The following PLD5 variants were observed in gnomAD, a reference collection of about 807,000 sequenced individuals.
The protein encoded by PLD5 is inactive phospholipase D5.
PLD5 carries 36 observed loss-of-function variants against 61.1 expected under a neutral mutation model. The ratio of observed to expected loss-of-function variants is 0.59; its 90% CI spans 0.45 to 0.78. The LOEUF (loss-of-function observed/expected upper bound fraction) is 0.78, where lower values mean the gene tolerates loss of function less well. Ranked by LOEUF, PLD5 falls within the 30% of genes least tolerant of loss-of-function variation. The pLI, the probability that PLD5 is intolerant of heterozygous loss-of-function variation, is 0.00. For missense variants in PLD5, 515 were observed against 644.4 expected (o/e 0.80, Z 2.17); for synonymous variants, 243 against 242.8 (o/e 1.00, Z -0.01).
intron 5 of PLD5, among the ~76,000 whole-genome samples, chr1:242,211,785 A>G (rs1369693629): frequency 5.9e-5 from 9 of 152,224 alleles, no homozygotes; most frequent in African/African-American, 1.7e-4. Flanking sequence ...AGGATTTCCA[A>G]GTTCACAGGG....
chr1:242,101,651 T>C (rs1457281572), intron 8 of PLD5, among the ~76,000 whole-genome samples: 1 of 152,168 alleles, frequency 6.6e-6, no homozygotes, highest in Non-Finnish European at 1.5e-5. Flanking sequence ...AATCGTGTAT[T>C]TAAAGGAAAG....
chr1:242,391,644 G>C (rs552177994), intron 1 of PLD5, among the ~76,000 whole-genome samples: 2 of 152,264 alleles, frequency 1.3e-5, no homozygotes, highest in East Asian at 3.9e-4. Context: ...TACCCATTCT[G>C]TATTTGATTG....
intron 5 of PLD5, among the ~76,000 whole-genome samples, chr1:242,182,925 G>A (rs1229415270): frequency 1.3e-5 from 2 of 152,178 alleles, no homozygotes; most frequent in African/African-American, 2.4e-5. Context: ...GGAGGTTTGA[G>A]TTCATGTTAC....
chr1:242,323,223 C>A (rs542554567), intron 2 of PLD5, among the ~76,000 whole-genome samples: 1 of 152,120 alleles, frequency 6.6e-6, no homozygotes, highest in African/African-American at 2.4e-5. Flanking sequence ...AAACTCCAGG[C>A]GGCCGTTGCT....
intron 1 of PLD5, among the ~76,000 whole-genome samples, chr1:242,416,310 A>G (rs1347033566): frequency 6.6e-6 from 1 of 152,160 alleles, no homozygotes; most frequent in Non-Finnish European, 1.5e-5. Flanking sequence ...TGAAGGTTGT[A>G]TTATACTCTT....
rs537969036 is a variant in PLD5 at position 242,256,588 on chromosome 1, C to T, written c.607+8749G>A. Among the ~76,000 whole-genome samples, 2 of 152,284 alleles carry T rather than the reference C, an allele frequency of 1.3e-5. No homozygotes were observed. Among genetic ancestry groups the T allele is most frequent in the Admixed American group, 6.5e-5 (1 of 15,300 alleles). ...CCCTCTGGGGGATGCAGTAACAAGG[C>T]GCCATCTTGGAAGCACAGAGCAGCT... On this transcript the variant is annotated intron_variant, in intron 4 of 9. Coordinates refer to ENST00000536534, the MANE Select transcript of PLD5 (RefSeq NM_001372062.1). The surrounding 1 kb of genome is among the most constrained non-coding windows in gnomAD (Gnocchi z 5.7).
intron 4 of PLD5, among the ~76,000 whole-genome samples, chr1:242,237,522 A>G (rs1671717263): frequency 6.6e-6 from 1 of 152,146 alleles, no homozygotes; most frequent in African/African-American, 2.4e-5. Context: ...TGCAGGAGCA[A>G]GGGGGCTCTC....
chr1:242,322,293 C>A (rs1243148102), intron 2 of PLD5, among the ~76,000 whole-genome samples: 1 of 152,172 alleles, frequency 6.6e-6, no homozygotes, highest in Non-Finnish European at 1.5e-5. Context: ...ATCAAATATG[C>A]CAGCCATGTC....
In PLD5 at chr1:242,524,405, T is replaced by C; in HGVS notation, c.-129A>G. ...GAGCTGGAGACTGAGCTGGAGGAGC[T>C]GGAGGAGCGAGCGGGCGCGGGGAGC... On this transcript the variant is annotated 5_prime_UTR_variant, in exon 1 of 10. Transcript: ENST00000536534. 1 of 925,364 alleles carries C rather than the reference T, an allele frequency of 1.1e-6. No individual in the cohort carries two copies. 57.3% of individuals were successfully genotyped at this position (925,364 alleles called of 1,614,324 possible).
intron 1 of PLD5, among the ~76,000 whole-genome samples, chr1:242,519,463 C>T (rs1011095144): frequency 2.0e-5 from 3 of 152,198 alleles, no homozygotes; most frequent in African/African-American, 7.2e-5. Flanking sequence ...CGGCTCACTA[C>T]AGGTGAGAAC....
chr1:242,272,728 G>A (rs1199130771), intron 3 of PLD5, among the ~76,000 whole-genome samples: 1 of 151,996 alleles, frequency 6.6e-6, no homozygotes, highest in Non-Finnish European at 1.5e-5. Context: ...GCAAAACCAT[G>A]AAAGGAGGCA....
At chr1:242,419,741 A>G (rs932099325) in intron 1 of PLD5, among the ~76,000 whole-genome samples, 2 of 152,036 alleles carry the variant, frequency 1.3e-5, no homozygotes, top group African/African-American at 4.8e-5. Context: ...AGCAAGGAGA[A>G]GTAAAGGTCT....
chr1:242,192,682 A>T (rs1403149767), intron 5 of PLD5, among the ~76,000 whole-genome samples: 1 of 152,216 alleles, frequency 6.6e-6, no homozygotes, highest in Non-Finnish European at 1.5e-5. Context: ...CGGACAGAAG[A>T]GTTAGCGGAA....
rs1009478498 is a variant in PLD5, at chr1:242,394,987, G to T, written c.190-46745C>A. Among the ~76,000 whole-genome samples the T allele has an allele frequency of 3.2e-3, 177 of 55,184 alleles. 25 individuals carry two copies. The highest frequency in any genetic ancestry group is 5.4e-3 in the Non-Finnish European group (154 of 28,510). The allele number at this position is 55,184 out of a possible 152,430, so 36.2% of individuals were successfully genotyped here. On this transcript the variant is annotated intron_variant, in intron 1 of 9. Coordinates refer to ENST00000536534, the MANE Select transcript of PLD5 (RefSeq NM_001372062.1). ...TATATGATTATATATGAATATATAT[G>T]AATATATATGTATATATGAATATAT... is the stretch of plus-strand genomic sequence containing the variant.
intron 1 of PLD5, among the ~76,000 whole-genome samples, chr1:242,408,835 G>A (rs1038462053): frequency 2.0e-5 from 3 of 152,162 alleles, no homozygotes; most frequent in South Asian, 2.1e-4. Context: ...TTAGGAGGCC[G>A]AGATGGGCAG....
intron 5 of PLD5, chr1:242,208,946 A>C (rs769984988): frequency 2.0e-5 from 3 of 152,248 alleles, no homozygotes; most frequent in Non-Finnish European, 4.4e-5. Flanking sequence ...CAGAGATGCC[A>C]GATTCTTGTG....
chr1:242,255,511 T>C (rs1672964242), intron 4 of PLD5, among the ~76,000 whole-genome samples: 1 of 152,198 alleles, frequency 6.6e-6, no homozygotes, highest in African/African-American at 2.4e-5. Context: ...GACGAGTTAA[T>C]GGGTGCAGCA....
At chr1:242,394,192 G>A (rs1426105261) in intron 1 of PLD5, among the ~76,000 whole-genome samples, 4 of 65,054 alleles carry the variant, frequency 6.1e-5, no homozygotes, top group African/African-American at 1.9e-4. Context: ...GAGTATATAT[G>A]AGTATATATA....
chr1:242,238,016 ACTTTT>A (rs1224116614), intron 4 of PLD5, among the ~76,000 whole-genome samples: 2 of 151,960 alleles, frequency 1.3e-5, no homozygotes, highest in African/African-American at 4.8e-5. Context: ...TAACATAAAT[ACTTTT>A]CTTAACAGTT....
Sources: allele counts gnomAD v4.1 joint callset (sites outside exome capture counted in the v4.1 genomes callset), GRCh38; gene constraint gnomAD v4.1.1; non-coding constraint Gnocchi (gnomAD v3.1); transcripts MANE v1.5; gene names NCBI Gene and HGNC (gene_info 2026-07-23, HGNC 2026-07-21).